Variants in DOK2 observed in about 807,000 individuals in gnomAD.
DOK2 encodes the protein docking protein 2, 56kD.
Under a neutral mutation model 26.0 loss-of-function variants are expected in DOK2, and 28 were observed. That is an observed-to-expected ratio of 1.08 (90% confidence interval 0.80 to 1.48). DOK2 has a LOEUF of 1.48. DOK2 is among the 40% of genes most tolerant of loss of function. The pLI is 0.00. For missense variants in DOK2, 682 were observed against 558.2 expected (o/e 1.22, Z -2.23); for synonymous variants, 282 against 236.9 (o/e 1.19, Z -1.75).
At chr8:21,912,080 C>G (rs1809872583) in intron 2 of DOK2, 92 bp from the exon 3 acceptor site, 3 of 1,488,856 alleles carry the variant, frequency 2.0e-6, no homozygotes, top group Non-Finnish European at 1.8e-6. Flanking sequence ...AACCTGCTGG[C>G]TCTGTCTGCA....
rs775492797 is a variant in DOK2 at position 21,909,606 on chromosome 8, C to T, written c.944G>A (p.Arg315Lys). ...AVARSLGKNF[R>K]GILAVPPQLL... is the part of the protein sequence containing the mutation. ...CTGAGGAGGGACTGCCAAGATGCCC[C>T]TGAAGTTCTTCCCCAAGGAACGGGC... The change falls in exon 5 of 5, where the codon AGG becomes AAG. Residue 315 changes from arginine (R) to lysine (K), a missense_variant. Transcript: ENST00000276420. 18 of 1,613,814 alleles carry T rather than the reference C, an allele frequency of 1.1e-5. No homozygotes were observed. Among genetic ancestry groups the T allele is most frequent in the African/African-American group, 2.7e-5 (2 of 74,930 alleles).
At position 21,911,040 on chromosome 8, in the gene DOK2, G is replaced by A. The variant is rs1435904376; in HGVS notation, c.434-183C>T. 5 of 684,164 alleles carry A rather than the reference G, an allele frequency of 7.3e-6. No homozygotes were observed. The East Asian group carries it at 1.4e-4, about 19-fold the overall frequency. The allele number at this position is 684,164 out of a possible 1,614,324, so 42.4% of individuals were successfully genotyped here. A position where few individuals can be genotyped will look rare whatever the true frequency, so the allele number is the denominator to read the frequency against. On this transcript the variant is annotated intron_variant, in intron 3 of 4. Transcript: ENST00000276420. Reference sequence around the variant, plus strand: ...CTGTGCCAGGTCATACTCCCCAAAAGGCCAGGTACCTCCACCCCCTACCCT... The same window carrying A: ...CTGTGCCAGGTCATACTCCCCAAAAAGCCAGGTACCTCCACCCCCTACCCT...
chr8:21,910,339 A>C (rs1230181477), intron 4 of DOK2, among the ~76,000 whole-genome samples: 1 of 151,974 alleles, frequency 6.6e-6, no homozygotes. Context: ...GCTTCCCTTC[A>C]TGGGAACTGC....
Position 21,912,278 on chromosome 8 carries a change from G to T in DOK2, c.296C>A (p.Ala99Glu). 6.3e-7 allele frequency: 1 copy of T among 1,586,936 alleles called. No individual in the cohort carries two copies. The highest frequency in any genetic ancestry group is 8.6e-7 in the Non-Finnish European group (1 of 1,169,270). The part of the protein sequence containing the change: ...KERLYLLAAP[A>E]AERGDWVQAI... ...CTGCACCCAGTCGCCGCGCTCCGCT[G>T]CAGGGGCCGCCAGGAGGTACAGGCG... The change falls in exon 2 of 5, where the codon GCA becomes GAA. Residue 99 changes from alanine (A) to glutamate (E), a missense_variant. Ala to Glu is a moderately radical substitution (Grantham distance 107). Coordinates refer to ENST00000276420, the MANE Select transcript of DOK2 (RefSeq NM_003974.4).
chr8:21,909,191 A>G lies in DOK2; in HGVS notation c.*120T>C, dbSNP rs1164920909. ...CTGGGAGAGGCAATTTATCAGCCCCAACGAAGACAGGCCAGGCCTCGGGCT... is the reference window on the plus strand; with the variant it reads ...CTGGGAGAGGCAATTTATCAGCCCCGACGAAGACAGGCCAGGCCTCGGGCT... On this transcript the variant is annotated 3_prime_UTR_variant, in exon 5 of 5. Coordinates refer to ENST00000276420, the MANE Select transcript of DOK2 (RefSeq NM_003974.4). 2 of 1,289,996 alleles carry G rather than the reference A, an allele frequency of 1.6e-6. No homozygotes were observed. The highest frequency in any genetic ancestry group is 5.7e-4 in the Middle Eastern group (2 of 3,480). The allele number at this position is 1,289,996 out of a possible 1,614,324, so 79.9% of individuals were successfully genotyped here.
In DOK2 at chr8:21,909,904, G is replaced by C. The variant is rs1031917068; in HGVS notation, c.646C>G (p.Arg216Gly). 6.2e-7 allele frequency: 1 copy of C among 1,611,738 alleles called. No individual in the cohort carries two copies. Among genetic ancestry groups the C allele is most frequent in the African/African-American group, 1.3e-5 (1 of 74,844 alleles). The stretch of plus-strand genomic sequence containing the variant: ...AAGTTGCCCTCTCCAGAGACGCAGC[G>C]ACGGCCTGCCTCAAAGGAAAAGGTT... ...KVTFSFEAGR[R>G]CVSGEGNFEF... The change falls in exon 5 of 5, where the codon CGC (arginine) becomes GGC (glycine). Residue 216 changes from arginine to glycine, a missense_variant. Physicochemically the swap from Arg to Gly is moderately radical, Grantham distance 125. Coordinates refer to ENST00000276420, the MANE Select transcript of DOK2 (RefSeq NM_003974.4).
intron 4 of DOK2, among the ~76,000 whole-genome samples, chr8:21,910,149 T>C (rs1438614803): frequency 6.6e-6 from 1 of 151,954 alleles, no homozygotes; most frequent in Admixed American, 6.5e-5. Flanking sequence ...GCCCAGCTAA[T>C]TTCTGTATTT....
chr8:21,909,312 C>T lies in DOK2; in HGVS notation c.1238G>A (p.Ter413=). 5 of 1,525,408 alleles carry T rather than the reference C, an allele frequency of 3.3e-6. No individual in the cohort carries two copies. The highest frequency in any genetic ancestry group is 4.4e-6 in the Non-Finnish European group (5 of 1,136,552). 94.5% of individuals were successfully genotyped at this position (1,525,408 alleles called of 1,614,324 possible). The change falls in exon 5 of 5, where the codon TGA becomes TAA. Residue 413 remains the stop codon, a stop_retained_variant. Coordinates refer to ENST00000276420, the MANE Select transcript of DOK2 (RefSeq NM_003974.4). ...DNVVLKKGPK[*] ...TGGACCATCCCTCTGCTGCCTCTGT[C>T]ACTTTGGGCCTTTCTTTAGTACAAC...
In DOK2 at chr8:21,913,394, C is replaced by T. The variant is rs796830640; in HGVS notation, c.63+145G>A. Reference sequence around the variant, plus strand: ...AGACAGCGTCGGGTAGGAAAAGAGCCCTCCCAAAGTTGAGCTCTGGGTCTA... The same window carrying T: ...AGACAGCGTCGGGTAGGAAAAGAGCTCTCCCAAAGTTGAGCTCTGGGTCTA... On this transcript the variant is annotated intron_variant, in intron 1 of 4. Coordinates refer to ENST00000276420, the MANE Select transcript of DOK2 (RefSeq NM_003974.4). 11 of 905,186 alleles carry T rather than the reference C, an allele frequency of 1.2e-5. No homozygotes were observed. In the African/African-American group the frequency reaches 1.7e-4, roughly 14 times the overall value. The allele number at this position is 905,186 out of a possible 1,614,324, so 56.1% of individuals were successfully genotyped here.
chr8:21,912,013 T>C, intron 2 of DOK2, 25 bp from the exon 3 acceptor site: 7 of 1,542,310 alleles, frequency 4.5e-6, no homozygotes, highest in Non-Finnish European at 6.1e-6. Flanking sequence ...CCCCGTCTCA[T>C]CACCTTCCCC....
intron 4 of DOK2, 42 bp from the exon 5 acceptor site, chr8:21,909,973 CA>C: frequency 6.6e-7 from 1 of 1,524,474 alleles, no homozygotes; most frequent in Non-Finnish European, 8.7e-7. Flanking sequence ...GGCCACAGGG[CA>C]GGGGTGCATT....
Position 21,912,269 on chromosome 8 carries a change from C to A in DOK2, c.305G>T (p.Arg102Leu). ...GCAGATGGCCTGCACCCAGTCGCCG[C>A]GCTCCGCTGCAGGGGCCGCCAGGAG... The part of the protein sequence containing the change: ...LYLLAAPAAE[R>L]GDWVQAICLL... The change falls in exon 2 of 5, where the codon CGC (arginine) becomes CTC (leucine). Residue 102 changes from arginine (R) to leucine (L), a missense_variant. Physicochemically the swap from Arg to Leu is moderately radical, Grantham distance 102. Coordinates refer to ENST00000276420, the MANE Select transcript of DOK2 (RefSeq NM_003974.4). 6.3e-7 allele frequency: 1 copy of A among 1,580,422 alleles called. No individual in the cohort carries two copies. Among genetic ancestry groups the A allele is most frequent in the East Asian group, 2.3e-5 (1 of 42,570 alleles).
At position 21,912,437 on chromosome 8, in the gene DOK2, C is replaced by T. The variant is rs1487349750; in HGVS notation, c.137G>A (p.Gly46Asp). Residue 46 changes from glycine (G) to aspartate (D), a missense_variant, in exon 2 of 5, where the codon GGC becomes GAC. Gly to Asp is a moderately conservative substitution (Grantham distance 94). Coordinates refer to ENST00000276420, the MANE Select transcript of DOK2 (RefSeq NM_003974.4). ...CALARLELQE[G>D]PEKPRRCEAA... ...CTCACACCGACGAGGCTTCTCCGGG[C>T]CCTCCTGCAGCTCCAGCCGGGCCAA... The T allele has an allele frequency of 2.5e-6, 4 of 1,572,752 alleles. No individual in the cohort carries two copies. Among genetic ancestry groups the T allele is most frequent in the South Asian group, 2.3e-5 (2 of 86,416 alleles).
chr8:21,909,765 G>T lies in DOK2; in HGVS notation c.785C>A (p.Ala262Glu), dbSNP rs748104150. The T allele has an allele frequency of 3.1e-6, 5 of 1,613,924 alleles. No individual in the cohort carries two copies. Among genetic ancestry groups the T allele is most frequent in the Non-Finnish European group, 2.5e-6 (3 of 1,180,022 alleles). ...TPQPQPATIP[A>E]SLPRPDSPYS... is the part of the protein sequence containing the mutation. Reference sequence around the variant, plus strand: ...GGGGCTATCAGGCCGGGGCAGCGACGCGGGGATTGTGGCTGGCTGCGGTTG... The same window carrying T: ...GGGGCTATCAGGCCGGGGCAGCGACTCGGGGATTGTGGCTGGCTGCGGTTG... The change falls in exon 5 of 5, where the codon GCG becomes GAG. Residue 262 changes from alanine to glutamate, a missense_variant. Transcript: ENST00000276420.
Position 21,909,693 on chromosome 8 carries a change from G to A in DOK2, c.857C>T (p.Pro286Leu), listed in dbSNP as rs767991562. 2.0e-5 allele frequency: 33 copies of A among 1,613,126 alleles called. No individual in the cohort carries two copies. The highest frequency in any genetic ancestry group is 4.5e-5 in the East Asian group (2 of 44,894). Residue 286 changes from proline (P) to leucine (L), a missense_variant, in exon 5 of 5, where the codon CCG (proline) becomes CTG (leucine). Transcript: ENST00000276420. Reference protein sequence around the residue: ...DSLPPPSPTTPVPAPRPRGQE... With the variant: ...DSLPPPSPTTLVPAPRPRGQE... ...GCCCCGAGGCCGTGGAGCAGGCACC[G>A]GTGTGGTGGGTGAAGGCGGCGGCAG... is the stretch of plus-strand genomic sequence containing the variant.
chr8:21,909,489 A>G lies in DOK2; in HGVS notation c.1061T>C (p.Leu354Pro). The change falls in exon 5 of 5, where the codon CTG (leucine) becomes CCG (proline). Residue 354 changes from leucine to proline, a missense_variant. Physicochemically the swap from Leu to Pro is moderately conservative, Grantham distance 98. Transcript: ENST00000276420. ...IYDEPEGVAA[L>P]SLYDSPQEPR... ...CTCCTGCGGGCTGTCATAGAGGGACAGGGCAGCCACTCCCTCGGGCTCATC... is the reference window on the plus strand; with the variant it reads ...CTCCTGCGGGCTGTCATAGAGGGACGGGGCAGCCACTCCCTCGGGCTCATC... 1 of 1,613,946 alleles carries G rather than the reference A, an allele frequency of 6.2e-7. No individual in the cohort carries two copies. Among genetic ancestry groups the G allele is most frequent in the Non-Finnish European group, 8.5e-7 (1 of 1,179,968 alleles).
intron 3 of DOK2, among the ~76,000 whole-genome samples, chr8:21,911,281 A>G (rs1460726227): frequency 6.6e-6 from 1 of 152,116 alleles, no homozygotes; most frequent in East Asian, 1.9e-4. Flanking sequence ...AAGGCAGATG[A>G]AAGTTTCTCC....
chr8:21,911,308 T>A (rs894991730), intron 3 of DOK2, among the ~76,000 whole-genome samples: 1 of 151,902 alleles, frequency 6.6e-6, no homozygotes, highest in African/African-American at 2.4e-5. Context: ...CACCAGCTCC[T>A]CAAAAGCAAC....
At chr8:21,913,355 G>A (rs992296292) in intron 1 of DOK2, among the ~76,000 whole-genome samples, 184 bp downstream of exon 1, 1 of 152,192 alleles carries the variant, frequency 6.6e-6, no homozygotes, top group East Asian at 1.9e-4. Context: ...GACCTGGTTG[G>A]GGCCTGGTTC....
Sources: allele counts gnomAD v4.1 joint callset (sites outside exome capture counted in the v4.1 genomes callset), GRCh38; gene constraint gnomAD v4.1.1; transcripts MANE v1.5; gene names NCBI Gene and HGNC (gene_info 2026-07-23, HGNC 2026-07-21).